The following VCPKMT variants were observed in gnomAD, a reference collection of about 807,000 sequenced individuals.
The protein encoded by VCPKMT is valosin containing protein lysine methyltransferase.
Under a neutral mutation model 28.6 loss-of-function variants are expected in VCPKMT, and 32 were observed. That is an observed-to-expected ratio of 1.12 (90% CI 0.84 to 1.50). The LOEUF (loss-of-function observed/expected upper bound fraction) is 1.50, where lower values mean the gene tolerates loss of function less well. Among genes scored for constraint, VCPKMT ranks in the 40% most tolerant of loss-of-function variants. The pLI is 0.00. For missense variants in VCPKMT, 366 were observed against 285.0 expected (o/e 1.28, Z -2.05); for synonymous variants, 138 against 111.4 (o/e 1.24, Z -1.50).
At position 50,109,471 on chromosome 14, in the gene VCPKMT, A is replaced by G. The variant is rs1882489409; in HGVS notation, c.*228T>C. The G allele has an allele frequency of 1.6e-6, 2 of 1,245,738 alleles. No individual in the cohort carries two copies. The highest frequency in any genetic ancestry group is 1.6e-5 in the African/African-American group (1 of 64,222). 77.2% of individuals were successfully genotyped at this position (1,245,738 alleles called of 1,614,324 possible). On this transcript the variant is annotated 3_prime_UTR_variant, in exon 6 of 6. Transcript: ENST00000395860. ...ACATTTAAGAAGAACTTGATGCTGAACTAAGTAACCTAAGCTGGATTCAGG... is the reference window on the plus strand; with the variant it reads ...ACATTTAAGAAGAACTTGATGCTGAGCTAAGTAACCTAAGCTGGATTCAGG...
At chr14:50,106,623 T>C (rs1041845248), downstream of VCPKMT, 10 of 985,340 alleles carry the variant, frequency 1.0e-5, no homozygotes, top group Admixed American at 5.5e-4. Context: ...AATCTGCTGC[T>C]GGTGGGTAAA....
At chr14:50,104,817 T>G (rs1882268516), downstream of VCPKMT, among the ~76,000 whole-genome samples, 1 of 152,228 alleles carries the variant, frequency 6.6e-6, no homozygotes, top group Non-Finnish European at 1.5e-5. Flanking sequence ...AGAACGTCAC[T>G]TGAATTAATT....
chr14:50,113,794 C>CTGGGGGG (rs1356359583), intron 4 of VCPKMT, among the ~76,000 whole-genome samples: 2 of 8,332 alleles, frequency 2.4e-4, no homozygotes, highest in African/African-American at 5.8e-4. Flanking sequence ...TACTTGGGGG[C>CTGGGGGG]GGGGGGGGGG....
At chr14:50,107,936 C>T (rs1882389990), downstream of VCPKMT, among the ~76,000 whole-genome samples, 1 of 152,016 alleles carries the variant, frequency 6.6e-6, no homozygotes, top group Non-Finnish European at 1.5e-5. Context: ...GGCTAGTAAT[C>T]CCAGCACTTT....
At chr14:50,104,322 A>G (rs976366093), downstream of VCPKMT, among the ~76,000 whole-genome samples, 2 of 152,234 alleles carry the variant, frequency 1.3e-5, no homozygotes, top group Admixed American at 6.5e-5. Context: ...AAGAACTTCA[A>G]TGTCTTGAAC....
In VCPKMT at chr14:50,116,408, G is replaced by A. The variant is rs1883220665; in HGVS notation, c.145C>T (p.Leu49Phe). Residue 49 changes from leucine to phenylalanine, a missense_variant, in exon 1 of 6, where the codon CTT (leucine) becomes TTT (phenylalanine). Physicochemically the swap from Leu to Phe is conservative, Grantham distance 22 (BLOSUM62 0). Transcript: ENST00000395860. ...TCGGGCGTTTCCAGGTATTTAGAAA[G>A]GACAATGGCAGCGTCCCACACAACG... is the stretch of plus-strand genomic sequence containing the variant. Reference protein sequence around the residue: ...GCVVWDAAIVLSKYLETPEFS... With the variant: ...GCVVWDAAIVFSKYLETPEFS... 6.2e-7 allele frequency: 1 copy of A among 1,613,984 alleles called. No homozygotes were observed. Among genetic ancestry groups the A allele is most frequent in the Middle Eastern group, 1.6e-4 (1 of 6,062 alleles).
Position 50,114,315 on chromosome 14 carries a change from T to C in VCPKMT, c.540A>G (p.Lys180=). 6.3e-7 allele frequency: 1 copy of C among 1,587,722 alleles called. No homozygotes were observed. Among genetic ancestry groups the C allele is most frequent in the Non-Finnish European group, 8.5e-7 (1 of 1,170,974 alleles). Residue 180 remains lysine, a synonymous_variant, in exon 4 of 6, where the codon AAA becomes AAG. Coordinates refer to ENST00000395860, the MANE Select transcript of VCPKMT (RefSeq NM_024558.3). ...AATATTTTTTCTCAATTTCTGGATT[T>C]TTCCCCATTGTTCGTTGTTCATAAC... The part of the protein sequence containing the change: ...ICCYEQRTMG[K]NPEIEKKYFE...
chr14:50,108,025 C>T (rs1882394624), downstream of VCPKMT, among the ~76,000 whole-genome samples: 3 of 151,788 alleles, frequency 2.0e-5, no homozygotes, highest in South Asian at 6.3e-4. Flanking sequence ...CCTGACTCTA[C>T]AAAAAATACA....
chr14:50,112,108 A>G, intron 5 of VCPKMT: 2 of 969,574 alleles, frequency 2.1e-6, no homozygotes, highest in Non-Finnish European at 2.5e-6. Context: ...TTTAATAAGG[A>G]AAAGTTCACA....
chr14:50,111,874 G>A, intron 5 of VCPKMT: 1 of 969,978 alleles, frequency 1.0e-6, no homozygotes, highest in Non-Finnish European at 1.2e-6. Context: ...GGATGACAGA[G>A]TGAGACCCTA....
chr14:50,106,033 T>A (rs1357543273), downstream of VCPKMT, among the ~76,000 whole-genome samples: 1 of 152,070 alleles, frequency 6.6e-6, no homozygotes, highest in Non-Finnish European at 1.5e-5. Context: ...GATGGTTTGC[T>A]TTTTATATAC....
chr14:50,113,794 C>CTGGG lies in VCPKMT; in HGVS notation c.570+490_570+491insCCCA, dbSNP rs1356359583. On this transcript the variant is annotated intron_variant, in intron 4 of 5. Coordinates refer to ENST00000395860, the MANE Select transcript of VCPKMT (RefSeq NM_024558.3). Reference sequence around the variant, plus strand: ...GCCTATAGTCCCACTTACTTGGGGGCGGGGGGGGGGGGGGGTGACACTGAG... The same window carrying CTGGG: ...GCCTATAGTCCCACTTACTTGGGGGCTGGGGGGGGGGGGGGGGGGTGACACTGAG... Among the ~76,000 whole-genome samples, 21 of 8,334 alleles carry CTGGG rather than the reference C, an allele frequency of 2.5e-3. 3 individuals are homozygous for CTGGG. The highest frequency in any genetic ancestry group is 5.5e-3 in the African/African-American group (19 of 3,432). The allele number at this position is 8,334 out of a possible 152,430, so 5.5% of individuals were successfully genotyped here. A position where few individuals can be genotyped will look rare whatever the true frequency, so the allele number is the denominator to read the frequency against.
Position 50,109,399 on chromosome 14 carries a change from T to G in VCPKMT, c.*300A>C. The stretch of plus-strand genomic sequence containing the variant: ...ATCATGTTGGCTGTTTTTGGCAGAT[T>G]TCAGCCTCGCCTCAATACCAATTTT... On this transcript the variant is annotated 3_prime_UTR_variant, in exon 6 of 6. Transcript: ENST00000395860. The G allele has an allele frequency of 1.8e-6, 2 of 1,109,308 alleles. No homozygotes were observed. The highest frequency in any genetic ancestry group is 2.2e-6 in the Non-Finnish European group (2 of 911,294). The allele number at this position is 1,109,308 out of a possible 1,614,324, so 68.7% of individuals were successfully genotyped here. A position where few individuals can be genotyped will look rare whatever the true frequency, so the allele number is the denominator to read the frequency against.
At chr14:50,104,601 A>G (rs1356563714), downstream of VCPKMT, among the ~76,000 whole-genome samples, 2 of 152,154 alleles carry the variant, frequency 1.3e-5, no homozygotes, top group African/African-American at 2.4e-5. Context: ...AAGAAAACCC[A>G]GAAGTCAAAT....
rs1883149754 is a variant in VCPKMT, at chr14:50,115,979, C to A, written c.378-68G>T. The A allele has an allele frequency of 6.9e-6, 11 of 1,597,162 alleles. No homozygotes were observed. The East Asian group carries it at 2.5e-4, about 36-fold the overall frequency. On this transcript the variant is annotated intron_variant, in intron 2 of 5. Transcript: ENST00000395860. ...AAAATACTCTTGTTTTATAAAGAAC[C>A]GGAAAGTCCCCTTCCATCCTTTTAA...
chr14:50,110,944 C>T (rs1012240595), intron 5 of VCPKMT, among the ~76,000 whole-genome samples: 3 of 152,030 alleles, frequency 2.0e-5, no homozygotes, highest in African/African-American at 2.4e-5. Flanking sequence ...ATGACATGTG[C>T]AGAATAGGCA....
At position 50,114,293 on chromosome 14, in the gene VCPKMT, A is replaced by C. The variant is rs142528336; in HGVS notation, c.562T>G (p.Tyr188Asp). ...MGKNPEIEKK[Y>D]FELLQLDFDF... is the part of the protein sequence containing the mutation. ...GAGTACTTAATACTTACCTCAAAAT[A>C]TTTTTTCTCAATTTCTGGATTTTTC... is the stretch of plus-strand genomic sequence containing the variant. The change falls in exon 4 of 6, where the codon TAT becomes GAT. Residue 188 changes from tyrosine to aspartate, a missense_variant. Tyr to Asp is a radical substitution (Grantham distance 160). Coordinates refer to ENST00000395860, the MANE Select transcript of VCPKMT (RefSeq NM_024558.3). 7.1e-3 allele frequency: 11,239 copies of C among 1,581,176 alleles called. 53 individuals are homozygous for C. The highest frequency in any genetic ancestry group is 8.8e-3 in the Non-Finnish European group (10,257 of 1,169,020).
chr14:50,115,822 G>C lies in VCPKMT; in HGVS notation c.450+17C>G. The C allele has an allele frequency of 6.3e-7, 1 of 1,589,468 alleles. No homozygotes were observed. Among genetic ancestry groups the C allele is most frequent in the Non-Finnish European group, 8.6e-7 (1 of 1,161,594 alleles). ...TTCATCTTCTAAGTGAAGAGACTTCGCTCACTGGATACTTACCTCTTCATA... is the reference window on the plus strand; with the variant it reads ...TTCATCTTCTAAGTGAAGAGACTTCCCTCACTGGATACTTACCTCTTCATA... On this transcript the variant is annotated intron_variant, in intron 3 of 5. Transcript: ENST00000395860.
At chr14:50,107,661 G>A (rs73289731), downstream of VCPKMT, among the ~76,000 whole-genome samples, 1,444 of 152,260 alleles carry the variant, frequency 9.5e-3, 21 homozygotes, top group African/African-American at 0.033. Flanking sequence ...TCCAGAAGCA[G>A]AGAGGAATGT....
Sources: gnomAD v4.1 joint callset for allele counts (sites outside exome capture counted in the v4.1 genomes callset) on GRCh38, gnomAD v4.1.1 for gene constraint, MANE v1.5 for transcripts, NCBI Gene and HGNC (gene_info 2026-07-23, HGNC 2026-07-21) for gene names.